Variants in IMMP2L observed in about 807,000 individuals in gnomAD.
IMMP2L encodes the protein mitochondrial inner membrane protease subunit 2.
In IMMP2L, 18 loss-of-function variants were observed where a neutral mutation model predicts 19.3. The observed-to-expected ratio is 0.93, with a 90% CI of 0.64 to 1.38. The LOEUF (loss-of-function observed/expected upper bound fraction) is 1.38, where lower values mean the gene tolerates loss of function less well. IMMP2L is among the 40% of genes most tolerant of loss of function. The pLI is 0.00. For missense variants in IMMP2L, 233 were observed against 218.2 expected (o/e 1.07, Z -0.43); for synonymous variants, 76 against 73.0 (o/e 1.04, Z -0.21).
chr7:111,013,803 T>C (rs980850851), intron 3 of IMMP2L, among the ~76,000 whole-genome samples: 1 of 152,206 alleles, frequency 6.6e-6, no homozygotes, highest in African/African-American at 2.4e-5. Flanking sequence ...ATATCTTGAT[T>C]AAACATTAAG....
chr7:111,078,881 C>T (rs768124442), intron 3 of IMMP2L, among the ~76,000 whole-genome samples: 4 of 152,104 alleles, frequency 2.6e-5, no homozygotes, highest in African/African-American at 4.8e-5. Flanking sequence ...AGGCATGCGC[C>T]ACCACACATG....
intron 3 of IMMP2L, among the ~76,000 whole-genome samples, chr7:111,073,933 G>C (rs1795171066): frequency 6.6e-6 from 1 of 152,076 alleles, no homozygotes; most frequent in African/African-American, 2.4e-5. Context: ...ATGTGTTATT[G>C]GTCAGTCTTC....
intron 3 of IMMP2L, among the ~76,000 whole-genome samples, chr7:111,107,701 AG>A (rs1412786704): frequency 6.6e-6 from 1 of 152,130 alleles, no homozygotes; most frequent in East Asian, 1.9e-4. Context: ...TTAAATGTCA[AG>A]GCCACAGATT....
intron 3 of IMMP2L, among the ~76,000 whole-genome samples, chr7:111,299,997 G>A (rs1340054424): frequency 1.3e-5 from 2 of 152,186 alleles, no homozygotes; most frequent in African/African-American, 2.4e-5. Context: ...GAAGTGGAGT[G>A]GAATTACAGT....
At chr7:111,041,744 G>A (rs1791918779) in intron 3 of IMMP2L, among the ~76,000 whole-genome samples, 1 of 152,064 alleles carries the variant, frequency 6.6e-6, no homozygotes, top group Non-Finnish European at 1.5e-5. Flanking sequence ...TTTCAGCCCA[G>A]GGCTTTCCTT....
chr7:111,515,775 C>A (rs2132617990), intron 2 of IMMP2L, among the ~76,000 whole-genome samples: 1 of 152,146 alleles, frequency 6.6e-6, no homozygotes, highest in East Asian at 1.9e-4. Flanking sequence ...CTTCCATCAA[C>A]CTGAGCGGCA....
chr7:110,747,551 C>T (rs1243629190), intron 5 of IMMP2L, among the ~76,000 whole-genome samples: 4 of 152,088 alleles, frequency 2.6e-5, no homozygotes, highest in African/African-American at 7.2e-5. Flanking sequence ...TTATCCACCA[C>T]GATCAAGGTG....
In IMMP2L at chr7:110,809,350, C is replaced by T. The variant is rs138530520; in HGVS notation, c.408+77243G>A. Among the ~76,000 whole-genome samples the T allele has an allele frequency of 1.5e-3, 232 of 152,008 alleles. 2 individuals are homozygous for T. Among genetic ancestry groups the T allele is most frequent in the African/African-American group, 5.3e-3 (219 of 41,510 alleles). On this transcript the variant is annotated intron_variant, in intron 5 of 5. Transcript: ENST00000405709. The stretch of plus-strand genomic sequence containing the variant: ...GTAACAAAATACCTGTCATGCCTAT[C>T]AACATATATACATTATTTTATATAT...
At chr7:111,351,448 C>T (rs1195487977) in intron 3 of IMMP2L, among the ~76,000 whole-genome samples, 1 of 152,122 alleles carries the variant, frequency 6.6e-6, no homozygotes, top group African/African-American at 2.4e-5. Context: ...CTCAGCCTCC[C>T]AAAGTTCTGG....
chr7:111,306,793 AAT>A (rs1348465197), intron 3 of IMMP2L, among the ~76,000 whole-genome samples: 1 of 151,912 alleles, frequency 6.6e-6, no homozygotes, highest in Non-Finnish European at 1.5e-5. Context: ...CTTTGGGCTG[AAT>A]CAAGAAAAAT....
chr7:110,993,681 A>T (rs1374009488), intron 3 of IMMP2L, among the ~76,000 whole-genome samples: 1 of 152,016 alleles, frequency 6.6e-6, no homozygotes, highest in Non-Finnish European at 1.5e-5. Flanking sequence ...CTTTCTGTCA[A>T]TGTCCAACTG....
chr7:111,330,504 TG>T (rs1375639156), intron 3 of IMMP2L, among the ~76,000 whole-genome samples: 2 of 145,070 alleles, frequency 1.4e-5, no homozygotes, highest in Non-Finnish European at 3.0e-5. Flanking sequence ...AGCCACGGGG[TG>T]GGGGGAAAAA....
chr7:111,432,860 C>A (rs1326424481), intron 3 of IMMP2L, among the ~76,000 whole-genome samples: 1 of 148,296 alleles, frequency 6.7e-6, no homozygotes, highest in African/African-American at 2.5e-5. Context: ...TTTCAGGATA[C>A]AAAATTAATA....
chr7:111,477,609 C>CT (rs1176017106), intron 3 of IMMP2L, among the ~76,000 whole-genome samples: 1 of 151,984 alleles, frequency 6.6e-6, no homozygotes, highest in Non-Finnish European at 1.5e-5. Context: ...CCTTTGAAGA[C>CT]TTTTATCGGC....
chr7:111,204,612 T>A (rs187342254), intron 3 of IMMP2L, among the ~76,000 whole-genome samples: 11 of 152,272 alleles, frequency 7.2e-5, no homozygotes, highest in Admixed American at 4.6e-4. Flanking sequence ...AATAAATTTT[T>A]AAAAAAATAA....
At chr7:110,997,686 T>C (rs1823188177) in intron 3 of IMMP2L, among the ~76,000 whole-genome samples, 1 of 152,144 alleles carries the variant, frequency 6.6e-6, no homozygotes, top group African/African-American at 2.4e-5. Flanking sequence ...TCTGTTCGTG[T>C]CTTTTGCCCA....
At chr7:111,529,229 T>C (rs1311251199) in intron 1 of IMMP2L, among the ~76,000 whole-genome samples, 2 of 152,144 alleles carry the variant, frequency 1.3e-5, no homozygotes, top group Non-Finnish European at 2.9e-5. Flanking sequence ...CAGCCCCTGG[T>C]ACCAATAACC....
intron 5 of IMMP2L, among the ~76,000 whole-genome samples, chr7:110,666,221 T>C (rs1470737345): frequency 6.6e-6 from 1 of 152,140 alleles, no homozygotes; most frequent in Non-Finnish European, 1.5e-5. Flanking sequence ...ACCTAATACC[T>C]GCTCCCCCTG....
chr7:110,791,178 C>A (rs1800435454), intron 5 of IMMP2L, among the ~76,000 whole-genome samples: 1 of 151,630 alleles, frequency 6.6e-6, no homozygotes, highest in Non-Finnish European at 1.5e-5. Context: ...TCCCAACATG[C>A]ACATAATAGA....
Sources: allele counts gnomAD v4.1 joint callset (sites outside exome capture counted in the v4.1 genomes callset), GRCh38; gene constraint gnomAD v4.1.1; transcripts MANE v1.5; gene names NCBI Gene and HGNC (gene_info 2026-07-23, HGNC 2026-07-21).